DTX1: variants seen among roughly 807,000 people sequenced by gnomAD.
DTX1 encodes E3 ubiquitin-protein ligase DTX1.
A neutral mutation model predicts 57.8 loss-of-function variants in DTX1; 26 were observed. The ratio of observed to expected loss-of-function variants is 0.45; its 90% CI spans 0.33 to 0.62. The LOEUF (loss-of-function observed/expected upper bound fraction) is 0.62, where lower values mean the gene tolerates loss of function less well. DTX1 is among the 20% of genes least tolerant of loss of function. DTX1 has a pLI of 0.02. For synonymous variants in DTX1, 398 were observed against 394.1 expected (o/e 1.01, Z -0.12); for missense variants, 704 against 895.3 (o/e 0.79, Z 2.73).
chr12:113,082,155 A>G (rs1295624312), intron 3 of DTX1, among the ~76,000 whole-genome samples: 1 of 152,006 alleles, frequency 6.6e-6, no homozygotes, highest in African/African-American at 2.4e-5. Flanking sequence ...GAGCCCAGAC[A>G]TTGGCCTGGA....
chr12:113,078,687 T>A (rs1183481078), intron 3 of DTX1, among the ~76,000 whole-genome samples: 2 of 152,150 alleles, frequency 1.3e-5, no homozygotes, highest in Non-Finnish European at 2.9e-5. Context: ...TTCCAAAGTC[T>A]GTGCTGTGTT....
At chr12:113,059,851 T>C (rs1411182183) in intron 2 of DTX1, among the ~76,000 whole-genome samples, 1 of 152,220 alleles carries the variant, frequency 6.6e-6, no homozygotes, top group Non-Finnish European at 1.5e-5. Context: ...AAATGTAAAA[T>C]CCAGTTCTTC....
chr12:113,083,087 C>T (rs1210065815), intron 3 of DTX1, among the ~76,000 whole-genome samples: 4 of 152,206 alleles, frequency 2.6e-5, no homozygotes, highest in Non-Finnish European at 5.9e-5. Context: ...CCTGTGTCCT[C>T]ATATGGTCTT....
Position 113,077,461 on chromosome 12 carries a change from G to T in DTX1, c.297G>T (p.Pro99=). Residue 99 remains proline, a synonymous_variant, in exon 3 of 10, where the codon CCG becomes CCT. Transcript: ENST00000548759. This position sits in a 1 kb window ranked among gnomAD's most constrained non-coding sequence, Gnocchi z 7.8. ...MRPVRRNFYD[P]SSAPGKGIVW... ...CCGTGCGGCGCAACTTCTACGACCC[G>T]TCGTCGGCGCCGGGCAAGGGCATCG... 1 of 1,611,506 alleles carries T rather than the reference G, an allele frequency of 6.2e-7. No homozygotes were observed.
chr12:113,061,634 T>C (rs2044664045), intron 2 of DTX1, among the ~76,000 whole-genome samples: 1 of 152,186 alleles, frequency 6.6e-6, no homozygotes, highest in Non-Finnish European at 1.5e-5. Context: ...ACTAATTATC[T>C]ACTGTGCATC....
intron 2 of DTX1, among the ~76,000 whole-genome samples, chr12:113,064,830 A>C (rs2044692856): frequency 6.6e-6 from 1 of 152,246 alleles, no homozygotes; most frequent in East Asian, 1.9e-4. Flanking sequence ...CACTAGGCAG[A>C]TGCACGGTGC....
intron 1 of DTX1, among the ~76,000 whole-genome samples, 171 bp from the exon 2 acceptor site, chr12:113,057,278 C>T (rs954856260): frequency 8.5e-5 from 13 of 152,250 alleles, no homozygotes; most frequent in Admixed American, 3.9e-4. Flanking sequence ...CCGGCCCCTG[C>T]CTTCCCTCCA....
At chr12:113,074,381 T>G (rs1435912913) in intron 2 of DTX1, among the ~76,000 whole-genome samples, 3 of 151,898 alleles carry the variant, frequency 2.0e-5, no homozygotes, top group Non-Finnish European at 4.4e-5. Context: ...CTGGGAATGG[T>G]GAGGTCATAT....
At chr12:113,072,315 A>G (rs1444693512) in intron 2 of DTX1, among the ~76,000 whole-genome samples, 1 of 152,228 alleles carries the variant, frequency 6.6e-6, no homozygotes, top group Non-Finnish European at 1.5e-5. Context: ...ACTAAGAACA[A>G]AAACAAATAA....
intron 3 of DTX1, among the ~76,000 whole-genome samples, chr12:113,079,746 A>G (rs1287718321): frequency 7.0e-6 from 1 of 142,768 alleles, no homozygotes; most frequent in Non-Finnish European, 1.5e-5. Context: ...GTTAGTGGAG[A>G]TGGGATTTCA....
At chr12:113,088,068 T>C (rs537810063) in intron 3 of DTX1, among the ~76,000 whole-genome samples, 1 of 152,192 alleles carries the variant, frequency 6.6e-6, no homozygotes, top group East Asian at 1.9e-4. Flanking sequence ...CTGGCTCAAC[T>C]CCAGATGGCT....
chr12:113,080,049 G>A (rs2044805518), intron 3 of DTX1, among the ~76,000 whole-genome samples: 1 of 151,686 alleles, frequency 6.6e-6, no homozygotes, highest in Admixed American at 6.6e-5. Flanking sequence ...TCCAGGAGGA[G>A]GGTTGGCATG....
chr12:113,075,115 A>G (rs1035121945), intron 2 of DTX1, among the ~76,000 whole-genome samples: 1 of 152,244 alleles, frequency 6.6e-6, no homozygotes, highest in Admixed American at 6.5e-5. Flanking sequence ...CAACCCCACA[A>G]GCAACTGTTG....
rs1242344927 is a variant in DTX1, at chr12:113,095,164, G to A, written c.1509G>A (p.Gln503=). Residue 503 remains glutamine, a synonymous_variant, in exon 8 of 10, where the codon CAG becomes CAA. Transcript: ENST00000548759. ...PHSLPGFPDT[Q]TIRIVYDIPT... ...CGCTGCCCGGCTTCCCTGATACCCA[G>A]ACCATCCGCATCGTCTATGACATCC... 1 of 1,612,930 alleles carries A rather than the reference G, an allele frequency of 6.2e-7. No individual in the cohort carries two copies. The highest frequency in any genetic ancestry group is 8.5e-7 in the Non-Finnish European group (1 of 1,179,108).
rs2044784761 is a variant in DTX1 at position 113,077,879 on chromosome 12, G to A, written c.715G>A (p.Gly239Arg). The A allele has an allele frequency of 3.1e-6, 4 of 1,297,862 alleles. No individual in the cohort carries two copies. The highest frequency in any genetic ancestry group is 6.5e-5 in the East Asian group (2 of 30,540). 80.4% of individuals were successfully genotyped at this position (1,297,862 alleles called of 1,614,324 possible). Residue 239 changes from glycine (G) to arginine (R), a missense_variant, in exon 3 of 10, where the codon GGA (glycine) becomes AGA (arginine). Coordinates refer to ENST00000548759, the MANE Select transcript of DTX1 (RefSeq NM_004416.3). The surrounding 1 kb of genome is among the most constrained non-coding windows in gnomAD (Gnocchi z 7.8). ...APPLPPPPPP[G>R]GPPGALAVRP... ...CCCGCTGCCGCCGCCGCCGCCACCTGGAGGGCCTCCAGGCGCGCTTGCCGT... is the reference window on the plus strand; with the variant it reads ...CCCGCTGCCGCCGCCGCCGCCACCTAGAGGGCCTCCAGGCGCGCTTGCCGT...
At position 113,057,937 on chromosome 12, in the gene DTX1, G is replaced by C. The variant is rs568072698; in HGVS notation, c.-256G>C. ...TTTAGAGCTGTTTCCTCCGGCATAAGAGAGACACTTGCTTTCCAGGGCAGC... is the reference window on the plus strand; with the variant it reads ...TTTAGAGCTGTTTCCTCCGGCATAACAGAGACACTTGCTTTCCAGGGCAGC... On this transcript the variant is annotated 5_prime_UTR_variant, in exon 2 of 10. Coordinates refer to ENST00000548759, the MANE Select transcript of DTX1 (RefSeq NM_004416.3). 1.7e-6 allele frequency: 1 copy of C among 578,526 alleles called. No homozygotes were observed. Among genetic ancestry groups the C allele is most frequent in the African/African-American group, 1.9e-5 (1 of 53,790 alleles). The allele number at this position is 578,526 out of a possible 1,614,324, so 35.8% of individuals were successfully genotyped here. A position where few individuals can be genotyped will look rare whatever the true frequency, so the allele number is the denominator to read the frequency against.
chr12:113,086,774 T>C (rs913201640), intron 3 of DTX1, among the ~76,000 whole-genome samples: 1 of 152,178 alleles, frequency 6.6e-6, no homozygotes, highest in Non-Finnish European at 1.5e-5. Flanking sequence ...GTTAAAGTAC[T>C]GACAGGTACA....
At chr12:113,068,759 G>A (rs2044721394) in intron 2 of DTX1, among the ~76,000 whole-genome samples, 1 of 152,220 alleles carries the variant, frequency 6.6e-6, no homozygotes, top group South Asian at 2.1e-4. Context: ...CCGGCGCCAT[G>A]TGAGAATGCA....
chr12:113,063,672 C>G (rs975284845), intron 2 of DTX1, among the ~76,000 whole-genome samples: 1 of 152,252 alleles, frequency 6.6e-6, no homozygotes, highest in African/African-American at 2.4e-5. Context: ...AGCTGGCCAA[C>G]AGGCTGGAGT....
Sources: allele counts gnomAD v4.1 joint callset (sites outside exome capture counted in the v4.1 genomes callset), GRCh38; gene constraint gnomAD v4.1.1; non-coding constraint Gnocchi (gnomAD v3.1); transcripts MANE v1.5; gene names NCBI Gene and HGNC (gene_info 2026-07-23, HGNC 2026-07-21).